Variants in CTNNBL1 observed in about 807,000 individuals in gnomAD.
The protein encoded by CTNNBL1 is beta-catenin-like protein 1.
CTNNBL1 carries 31 observed loss-of-function variants against 72.7 expected under a neutral mutation model. The ratio of observed to expected loss-of-function variants is 0.43; its 90% CI spans 0.32 to 0.58. The LOEUF (loss-of-function observed/expected upper bound fraction) is 0.58, where lower values mean the gene tolerates loss of function less well. Among genes scored for constraint, CTNNBL1 ranks in the 20% least tolerant of loss-of-function variants. The pLI is 0.08. For missense variants in CTNNBL1, 534 were observed against 725.1 expected, an observed-to-expected ratio of 0.74 and a Z score of 3.03; for synonymous variants, 240 against 267.3, an observed-to-expected ratio of 0.90 and a Z score of 1.00.
At chr20:37,771,028 T>C (rs1347108409) in intron 7 of CTNNBL1, among the ~76,000 whole-genome samples, 1 of 152,210 alleles carries the variant, frequency 6.6e-6, no homozygotes, top group East Asian at 1.9e-4. Flanking sequence ...ATCCTGACTT[T>C]CCCTTATTAG....
chr20:37,766,011 A>T (rs1460370027), intron 6 of CTNNBL1, among the ~76,000 whole-genome samples: 1 of 152,202 alleles, frequency 6.6e-6, no homozygotes, highest in Non-Finnish European at 1.5e-5. Flanking sequence ...TGAGAAATGA[A>T]CAAGGCCCAG....
chr20:37,859,288 C>T (rs1348914287), intron 13 of CTNNBL1, among the ~76,000 whole-genome samples: 2 of 150,302 alleles, frequency 1.3e-5, no homozygotes, highest in African/African-American at 4.9e-5. Flanking sequence ...ACCAGGGAGG[C>T]GGAGGTTGCA....
intron 11 of CTNNBL1, among the ~76,000 whole-genome samples, chr20:37,807,809 G>T (rs571553170): frequency 6.6e-6 from 1 of 152,302 alleles, no homozygotes; most frequent in South Asian, 2.1e-4. Context: ...GGGTGCACTA[G>T]CATGATTGGC....
At chr20:37,848,789 T>C (rs1487585357) in intron 13 of CTNNBL1, among the ~76,000 whole-genome samples, 1 of 152,130 alleles carries the variant, frequency 6.6e-6, no homozygotes, top group Non-Finnish European at 1.5e-5. Context: ...GTGGTGCTAA[T>C]AGGCTCTCCC....
chr20:37,777,548 C>T, intron 8 of CTNNBL1, 106 bp from the exon 9 acceptor site: 5 of 1,379,266 alleles, frequency 3.6e-6, no homozygotes, highest in Non-Finnish European at 4.1e-6. Flanking sequence ...CTTTTGTACT[C>T]TGTCAAGCTG....
intron 10 of CTNNBL1, among the ~76,000 whole-genome samples, chr20:37,782,193 C>T (rs2073631698): frequency 6.6e-6 from 1 of 152,118 alleles, no homozygotes; most frequent in Admixed American, 6.5e-5. Context: ...CCAAGAAGCT[C>T]AAAGGCTAGT....
chr20:37,840,013 T>G (rs1406287906), intron 11 of CTNNBL1, 89 bp from the exon 12 acceptor site: 3 of 877,382 alleles, frequency 3.4e-6, no homozygotes, highest in Non-Finnish European at 5.6e-6. Context: ...CTACTTATTC[T>G]GCCCTCAATA....
intron 10 of CTNNBL1, among the ~76,000 whole-genome samples, chr20:37,786,121 T>A (rs1390525901): frequency 6.6e-6 from 1 of 152,180 alleles, no homozygotes; most frequent in East Asian, 1.9e-4. Context: ...TCTCTCTCTC[T>A]CTCTGTGCTG....
intron 10 of CTNNBL1, among the ~76,000 whole-genome samples, chr20:37,794,691 G>A (rs972009103): frequency 2.6e-5 from 4 of 151,336 alleles, no homozygotes; most frequent in Non-Finnish European, 5.9e-5. Flanking sequence ...AAGTAGAGAC[G>A]GGGTCTCACC....
chr20:37,849,808 C>G (rs1455152115), intron 13 of CTNNBL1, among the ~76,000 whole-genome samples: 2 of 152,182 alleles, frequency 1.3e-5, no homozygotes, highest in East Asian at 1.9e-4. Context: ...CTGACTCCTA[C>G]CAGCTGGGTG....
At chr20:37,716,181 G>A (rs979064473) in intron 1 of CTNNBL1, among the ~76,000 whole-genome samples, 3 of 152,142 alleles carry the variant, frequency 2.0e-5, no homozygotes, top group Non-Finnish European at 2.9e-5. Context: ...TGCCCAGCAA[G>A]GTATGCATTT....
At chr20:37,762,277 A>G (rs1200232131) in intron 5 of CTNNBL1, among the ~76,000 whole-genome samples, 1 of 152,158 alleles carries the variant, frequency 6.6e-6, no homozygotes, top group African/African-American at 2.4e-5. Context: ...TAAATATGAA[A>G]TTCCTGAAAC....
chr20:37,813,549 C>G (rs2072029962), intron 11 of CTNNBL1, among the ~76,000 whole-genome samples: 1 of 152,184 alleles, frequency 6.6e-6, no homozygotes, highest in African/African-American at 2.4e-5. Flanking sequence ...AAACACTTAT[C>G]ACTCCTGTTT....
At chr20:37,790,099 A>G (rs1195425410) in intron 10 of CTNNBL1, among the ~76,000 whole-genome samples, 1 of 152,234 alleles carries the variant, frequency 6.6e-6, no homozygotes, top group African/African-American at 2.4e-5. Flanking sequence ...CCCTAAAGAA[A>G]AATGTCTCTG....
chr20:37,836,021 G>C (rs879748631), intron 11 of CTNNBL1, among the ~76,000 whole-genome samples: 1 of 152,130 alleles, frequency 6.6e-6, no homozygotes, highest in African/African-American at 2.4e-5. Context: ...TCAAGTACAC[G>C]TTGTACCTTT....
intron 4 of CTNNBL1, among the ~76,000 whole-genome samples, chr20:37,749,618 G>C (rs2073299934): frequency 1.3e-5 from 2 of 151,594 alleles, no homozygotes; most frequent in South Asian, 4.2e-4. Flanking sequence ...GTTTAATTAT[G>C]TCTTACATCA....
rs1470946467 is a variant in CTNNBL1 at position 37,765,285 on chromosome 20, C to G, written c.653C>G (p.Thr218Ser). 3.9e-6 allele frequency: 6 copies of G among 1,547,998 alleles called. No individual in the cohort carries two copies. The highest frequency in any genetic ancestry group is 5.2e-6 in the Non-Finnish European group (6 of 1,143,626). The change falls in exon 6 of 16, where the codon ACT becomes AGT. Residue 218 changes from threonine to serine, a missense_variant. Coordinates refer to ENST00000361383, the MANE Select transcript of CTNNBL1 (RefSeq NM_030877.5). ...GAGGAGGCAGATGGCGTCCACAACA[C>G]TCTGGGTGAGAGGAAGGGTGCTTGC... ...VKEEADGVHN[T>S]LAIVENMAEF...
intron 11 of CTNNBL1, among the ~76,000 whole-genome samples, chr20:37,833,868 A>G (rs2072232660): frequency 6.6e-6 from 1 of 152,186 alleles, no homozygotes; most frequent in Non-Finnish European, 1.5e-5. Context: ...AGCTACATTT[A>G]TTAGTAGCTA....
intron 2 of CTNNBL1, among the ~76,000 whole-genome samples, chr20:37,735,735 C>T (rs1482996486): frequency 6.6e-6 from 1 of 152,062 alleles, no homozygotes; most frequent in Non-Finnish European, 1.5e-5. Flanking sequence ...CACTTAAAAC[C>T]CCATATGTGG....
Sources: allele counts gnomAD v4.1 joint callset (sites outside exome capture counted in the v4.1 genomes callset), GRCh38; gene constraint gnomAD v4.1.1; transcripts MANE v1.5; gene names NCBI Gene and HGNC (gene_info 2026-07-23, HGNC 2026-07-21).